The following OPHN1 variants were observed in gnomAD, a reference collection of about 807,000 sequenced individuals.
OPHN1 encodes the protein oligophrenin-1.
OPHN1 carries 11 observed loss-of-function variants against 60.7 expected under a neutral mutation model. The observed-to-expected ratio is 0.18, with a 90% confidence interval of 0.11 to 0.30. OPHN1 has a LOEUF of 0.30. OPHN1 is among the 10% of genes least tolerant of loss of function. The pLI is 1.00. For missense variants in OPHN1, 449 were observed against 611.0 expected (o/e 0.73, Z 2.80); for synonymous variants, 226 against 222.6 (o/e 1.02, Z -0.14).
intron 6 of OPHN1, among the ~76,000 whole-genome samples, chrX:68,221,729 A>G (rs1468232795): frequency 1.0e-5 from 1 of 97,210 alleles, no homozygotes; most frequent in East Asian, 3.5e-4. Flanking sequence ...AGCCATATGT[A>G]GAAAGCTGAA....
Position 68,197,283 on chromosome X carries a change from G to C in OPHN1, c.1026-19C>G. The C allele has an allele frequency of 8.5e-7, 1 of 1,170,776 alleles. No homozygotes were observed. Among genetic ancestry groups the C allele is most frequent in the Non-Finnish European group, 1.2e-6 (1 of 859,343 alleles). ...TCCTGGCCTGAGGGGGAAAAAAATG[G>C]TAAGTATAAAGCAGAAAATTCAACT... On this transcript the variant is annotated intron_variant, in intron 11 of 24. Coordinates refer to ENST00000355520, the MANE Select transcript of OPHN1 (RefSeq NM_002547.3).
At chrX:68,423,077 G>A (rs2078837733) in intron 2 of OPHN1, among the ~76,000 whole-genome samples, 1 of 109,429 alleles carries the variant, frequency 9.1e-6, no homozygotes, top group African/African-American at 3.4e-5. Flanking sequence ...CCAGGTTGGA[G>A]TGTAATGGCT....
chrX:68,107,555 C>T (rs2077086786), intron 18 of OPHN1, among the ~76,000 whole-genome samples: 1 of 111,776 alleles, frequency 8.9e-6, no homozygotes, highest in Admixed American at 9.5e-5. Flanking sequence ...CGGCTCACTG[C>T]AACCTCTGCC....
At chrX:68,350,736 A>C (rs1314254978) in intron 2 of OPHN1, among the ~76,000 whole-genome samples, 19 of 108,380 alleles carry the variant, frequency 1.8e-4, no homozygotes, top group African/African-American at 5.7e-4. Context: ...GGCTGATCTC[A>C]AACTCCTGGA....
At chrX:68,110,833 T>G (rs2077100938) in intron 18 of OPHN1, among the ~76,000 whole-genome samples, 1 of 111,887 alleles carries the variant, frequency 8.9e-6, no homozygotes, top group Admixed American at 9.5e-5. Flanking sequence ...TATAGAAGTG[T>G]AGAAAACAGT....
intron 2 of OPHN1, among the ~76,000 whole-genome samples, chrX:68,428,311 C>G (rs141582106): frequency 0.052 from 5,833 of 111,688 alleles, 122 homozygotes; most frequent in Middle Eastern, 0.07. Context: ...CACATGGGAA[C>G]AGCTAAACAA....
intron 2 of OPHN1, among the ~76,000 whole-genome samples, chrX:68,416,051 TATATATATATATATATAGAGAGAGAGAG>T (rs1393459509): frequency 4.9e-4 from 12 of 24,402 alleles, no homozygotes; most frequent in African/African-American, 1.1e-3. Context: ...TATATATATA[TATATATATATATATATAGAGAGAGAGAG>T]AGAGAGAGAG....
At chrX:68,291,546 C>A (rs2078071021) in intron 3 of OPHN1, among the ~76,000 whole-genome samples, 1 of 110,978 alleles carries the variant, frequency 9.0e-6, no homozygotes, top group African/African-American at 3.3e-5. Flanking sequence ...CCCAGTGGAA[C>A]CTCAGAGGGC....
intron 15 of OPHN1, among the ~76,000 whole-genome samples, chrX:68,144,991 CA>C (rs1222943233): frequency 9.0e-6 from 1 of 111,315 alleles, no homozygotes; most frequent in Non-Finnish European, 1.9e-5. Flanking sequence ...TAGAAATGTA[CA>C]ATGCTTTGCA....
chrX:68,063,247 G>A (rs1421587647), intron 21 of OPHN1, among the ~76,000 whole-genome samples: 2 of 111,110 alleles, frequency 1.8e-5, no homozygotes, highest in African/African-American at 3.3e-5. Flanking sequence ...TTGGCCAGGT[G>A]TGGTGGCTCA....
At chrX:68,394,622 T>C (rs1346799507) in intron 2 of OPHN1, among the ~76,000 whole-genome samples, 2 of 112,297 alleles carry the variant, frequency 1.8e-5, no homozygotes, top group Non-Finnish European at 3.8e-5. Context: ...TTTTTCTTCA[T>C]GTAGAATTTA....
At chrX:68,241,859 T>G (rs1383313419) in intron 5 of OPHN1, among the ~76,000 whole-genome samples, 1 of 111,035 alleles carries the variant, frequency 9.0e-6, no homozygotes, top group Non-Finnish European at 1.9e-5. Flanking sequence ...AGGCGGAGGT[T>G]GCAGTGAGCC....
chrX:68,270,590 G>C (rs9919116), intron 5 of OPHN1, among the ~76,000 whole-genome samples: 5,658 of 75,362 alleles, frequency 0.075, 676 homozygotes, highest in African/African-American at 0.26. Context: ...GGCCTGTTGT[G>C]GGGTGGGGGG....
At chrX:68,202,240 C>T (rs190773842) in intron 10 of OPHN1, among the ~76,000 whole-genome samples, 3 of 111,905 alleles carry the variant, frequency 2.7e-5, no homozygotes, top group Admixed American at 1.9e-4. Flanking sequence ...CAAATGTAAT[C>T]GCTCCAAAGG....
chrX:68,063,176 G>A (rs1418372665), intron 21 of OPHN1, among the ~76,000 whole-genome samples: 4 of 109,427 alleles, frequency 3.7e-5, no homozygotes, highest in African/African-American at 1.3e-4. Context: ...ATCTACAGCA[G>A]CCTCCATTTC....
At position 68,248,372 on chromosome X, in the gene OPHN1, C is replaced by T. The variant is rs145291099; in HGVS notation, c.385-13784G>A. Among the ~76,000 whole-genome samples the T allele has an allele frequency of 1.3e-3, 147 of 110,999 alleles. 2 individuals are homozygous for T. Among genetic ancestry groups the T allele is most frequent in the African/African-American group, 4.7e-3 (143 of 30,527 alleles). Reference sequence around the variant, plus strand: ...CTCAACATCATTGATCAAAGCAATGCAAATCAAAACTATAATGAGATATCA... The same window carrying T: ...CTCAACATCATTGATCAAAGCAATGTAAATCAAAACTATAATGAGATATCA... On this transcript the variant is annotated intron_variant, in intron 5 of 24. Coordinates refer to ENST00000355520, the MANE Select transcript of OPHN1 (RefSeq NM_002547.3).
intron 6 of OPHN1, among the ~76,000 whole-genome samples, chrX:68,225,450 GC>G (rs942505318): frequency 8.9e-6 from 1 of 112,165 alleles, no homozygotes; most frequent in African/African-American, 3.2e-5. Flanking sequence ...CCCCTGAGTA[GC>G]CTAACTGGGA....
At chrX:68,091,544 T>C (rs1569209594) in intron 19 of OPHN1, among the ~76,000 whole-genome samples, 1 of 111,254 alleles carries the variant, frequency 9.0e-6, no homozygotes, top group African/African-American at 3.3e-5. Context: ...ACCACTACCA[T>C]GGCATGCGAA....
intron 4 of OPHN1, among the ~76,000 whole-genome samples, chrX:68,280,876 C>T (rs1342252831): frequency 9.0e-6 from 1 of 110,773 alleles, no homozygotes; most frequent in East Asian, 2.8e-4. Context: ...AAGTAGAAAT[C>T]TAGCAAAATA....
Sources: gnomAD v4.1 joint callset for allele counts (sites outside exome capture counted in the v4.1 genomes callset) on GRCh38, gnomAD v4.1.1 for gene constraint, MANE v1.5 for transcripts, NCBI Gene and HGNC (gene_info 2026-07-23, HGNC 2026-07-21) for gene names.